SQLE: variants seen among roughly 807,000 people sequenced by gnomAD.
SQLE encodes the protein squalene monooxygenase.
In SQLE, 29 loss-of-function variants were observed where a neutral mutation model predicts 60.7. The ratio of observed to expected loss-of-function variants is 0.48; its 90% CI spans 0.36 to 0.65. The LOEUF (loss-of-function observed/expected upper bound fraction) is 0.65. Among genes scored for constraint, SQLE ranks in the 30% least tolerant of loss-of-function variants. The probability of loss-of-function intolerance (pLI) is 0.00; values close to 1 mark genes in which losing one functional copy is unlikely to be tolerated. For synonymous variants in SQLE, 237 were observed against 246.8 expected (o/e 0.96, Z 0.37); for missense variants, 605 against 684.1 (o/e 0.88, Z 1.29).
At chr8:125,001,438 TCTC>T (rs1814847732) in intron 1 of SQLE, among the ~76,000 whole-genome samples, 1 of 147,806 alleles carries the variant, frequency 6.8e-6, no homozygotes, top group Non-Finnish European at 1.5e-5. Flanking sequence ...CCTCCAGAGC[TCTC>T]CTTTCAGGGT....
chr8:125,003,220 A>G lies in SQLE; in HGVS notation c.336A>G (p.Thr112=). The change falls in exon 2 of 11, where the codon ACA becomes ACG. Residue 112 remains threonine, a synonymous_variant. Coordinates refer to ENST00000265896, the MANE Select transcript of SQLE (RefSeq NM_003129.4). ...TTTCAGAAACAAGCTTAATAGGAACAGCTGCCTGTACATCAACATCTTCTC... is the reference window on the plus strand; with the variant it reads ...TTTCAGAAACAAGCTTAATAGGAACGGCTGCCTGTACATCAACATCTTCTC... ...TNISETSLIG[T]AACTSTSSQN... The G allele has an allele frequency of 6.2e-7, 1 of 1,613,880 alleles. No homozygotes were observed. Among genetic ancestry groups the G allele is most frequent in the Non-Finnish European group, 8.5e-7 (1 of 1,179,848 alleles).
chr8:125,000,468 A>G (rs1563594834), intron 1 of SQLE, among the ~76,000 whole-genome samples: 1 of 152,086 alleles, frequency 6.6e-6, no homozygotes, highest in Non-Finnish European at 1.5e-5. Flanking sequence ...TTTTGAGACA[A>G]AGTCTCGCTC....
intron 1 of SQLE, among the ~76,000 whole-genome samples, chr8:125,002,129 T>C (rs961130960): frequency 9.9e-5 from 15 of 152,258 alleles, no homozygotes; most frequent in African/African-American, 3.1e-4. Flanking sequence ...TAGGATCTCT[T>C]AGAGTATCAG....
intron 7 of SQLE, among the ~76,000 whole-genome samples, chr8:125,012,356 A>G (rs1815051360): frequency 6.6e-6 from 1 of 152,228 alleles, no homozygotes; most frequent in South Asian, 2.1e-4. Context: ...CACCACCACA[A>G]TCAAATTTAG....
intron 2 of SQLE, 58 bp from the exon 3 acceptor site, chr8:125,005,467 T>C: frequency 2.1e-6 from 3 of 1,416,298 alleles, no homozygotes; most frequent in Non-Finnish European, 2.8e-6. Context: ...CTTTGGTTCT[T>C]AGTTTAACGC....
At chr8:125,007,310 A>C (rs1814968263) in intron 3 of SQLE, 81 bp from the exon 4 acceptor site, 2 of 1,049,994 alleles carry the variant, frequency 1.9e-6, no homozygotes, top group Non-Finnish European at 2.7e-6. Context: ...TTATATGGAT[A>C]AACTGGAGAT....
intron 10 of SQLE, among the ~76,000 whole-genome samples, chr8:125,021,364 A>G (rs10216429): frequency 0.46 from 69,768 of 151,806 alleles, 17,686 homozygotes; most frequent in African/African-American, 0.68. Context: ...GTTAATACTG[A>G]TATTTTTAAA....
chr8:125,013,156 C>T lies in SQLE; in HGVS notation c.1204+1524C>T, dbSNP rs558941919. ...CCTTTATATATTTTAGGTACAAGTC[C>T]CTTATTAGATATGTGATTTGCAAAA... On this transcript the variant is annotated intron_variant, in intron 7 of 10. Transcript: ENST00000265896. 2.6e-4 allele frequency among the ~76,000 whole-genome samples: 39 copies of T among 151,724 alleles called. 1 individual carries two copies. Among genetic ancestry groups the T allele is most frequent in the Admixed American group, 1.3e-3 (20 of 15,274 alleles).
chr8:125,017,971 C>T (rs1586320043), intron 7 of SQLE, 88 bp from the exon 8 acceptor site: 12 of 1,386,950 alleles, frequency 8.7e-6, no homozygotes, highest in Admixed American at 2.3e-5. Context: ...TATTAGCTTA[C>T]ATCAGTAATC....
At chr8:125,018,299 C>A in intron 8 of SQLE, 98 bp downstream of exon 8, 1 of 1,247,122 alleles carries the variant, frequency 8.0e-7, no homozygotes, top group South Asian at 1.5e-5. Context: ...ACTAAGGAAC[C>A]TGATGCTTTA....
chr8:125,013,912 G>A (rs961178542), intron 7 of SQLE, among the ~76,000 whole-genome samples: 2 of 152,132 alleles, frequency 1.3e-5, no homozygotes, highest in Non-Finnish European at 2.9e-5. Context: ...AGTTTTCAGA[G>A]TATAAGTTTT....
chr8:124,999,301 G>T lies in SQLE; in HGVS notation c.-103G>T. On this transcript the variant is annotated 5_prime_UTR_variant, in exon 1 of 11. Coordinates refer to ENST00000265896, the MANE Select transcript of SQLE (RefSeq NM_003129.4). ...GACACTGTTTACTGGAGTCTGGCCG[G>T]CTCTCCGTGCTCCTCTTGGTACCTC... 1 of 1,177,834 alleles carries T rather than the reference G, an allele frequency of 8.5e-7. No homozygotes were observed. The highest frequency in any genetic ancestry group is 1.1e-6 in the Non-Finnish European group (1 of 900,224). The allele number at this position is 1,177,834 out of a possible 1,614,324, so 73.0% of individuals were successfully genotyped here.
Position 125,016,316 on chromosome 8 carries a change from C to CTA in SQLE, c.1205-1742_1205-1741insAT, listed in dbSNP as rs1815111095. 6.6e-6 allele frequency among the ~76,000 whole-genome samples: 1 copy of CTA among 151,988 alleles called. No individual in the cohort carries two copies. The highest frequency in any genetic ancestry group is 1.5e-5 in the Non-Finnish European group (1 of 67,998). On this transcript the variant is annotated intron_variant, in intron 7 of 10. Transcript: ENST00000265896. This position sits in a 1 kb window ranked among gnomAD's most constrained non-coding sequence, Gnocchi z 4.1. ...ATTATTCTTTTTTCTTTTGTCTCCT[C>CTA]TGTGTATTTTCAAATAGCCTGTTTT...
intron 4 of SQLE, among the ~76,000 whole-genome samples, chr8:125,008,113 G>T (rs1814984348): frequency 6.6e-6 from 1 of 152,010 alleles, no homozygotes; most frequent in Non-Finnish European, 1.5e-5. Context: ...TTTTGAGACG[G>T]AGTTTCACTC....
intron 1 of SQLE, among the ~76,000 whole-genome samples, chr8:125,001,557 C>T (rs998474904): frequency 6.6e-6 from 1 of 151,344 alleles, no homozygotes; most frequent in East Asian, 1.9e-4. Flanking sequence ...GCTTGTCTTG[C>T]CCCCTACAGT....
chr8:125,008,819 G>A (rs1198369640), intron 4 of SQLE, among the ~76,000 whole-genome samples, 152 bp from the exon 5 acceptor site: 2 of 152,194 alleles, frequency 1.3e-5, no homozygotes, highest in African/African-American at 2.4e-5. Context: ...TGAAGCCCAC[G>A]TAACAGTTTC....
At position 124,998,550 on chromosome 8, in the gene SQLE, T is replaced by C; in HGVS notation, c.-854T>C. 1 of 678,572 alleles carries C rather than the reference T, an allele frequency of 1.5e-6. No homozygotes were observed. The highest frequency in any genetic ancestry group is 2.7e-6 in the Non-Finnish European group (1 of 374,336). The allele number at this position is 678,572 out of a possible 1,614,324, so 42.0% of individuals were successfully genotyped here. ...GCGAGTGGGGGCGTGCGACGGTTAC[T>C]CTGGTTACTGGGGCCGCGCCGCGCT... On this transcript the variant is annotated 5_prime_UTR_variant, in exon 1 of 11. Coordinates refer to ENST00000265896, the MANE Select transcript of SQLE (RefSeq NM_003129.4).
chr8:124,999,720 T>C (rs762604344), intron 1 of SQLE, 26 bp downstream of exon 1: 21 of 1,544,192 alleles, frequency 1.4e-5, no homozygotes, highest in Non-Finnish European at 1.8e-5. Flanking sequence ...AGCGGGCAGA[T>C]GAATGTCTTA....
intron 10 of SQLE, 69 bp downstream of exon 10, chr8:125,020,940 C>G: frequency 9.6e-7 from 1 of 1,042,520 alleles, no homozygotes; most frequent in Non-Finnish European, 1.5e-6. Flanking sequence ...TGATGAATTA[C>G]TGCAAATCTT....
Sources: gnomAD v4.1 joint callset for allele counts (sites outside exome capture counted in the v4.1 genomes callset) on GRCh38, gnomAD v4.1.1 for gene constraint, Gnocchi (gnomAD v3.1) non-coding constraint, MANE v1.5 for transcripts, NCBI Gene and HGNC (gene_info 2026-07-23, HGNC 2026-07-21) for gene names.